Variants in XNDC1N observed in about 807,000 individuals in gnomAD.
XNDC1N encodes the protein protein XNDC1N.
At chr11:71,899,401 G>A in the XNDC1N span, among the ~76,000 whole-genome samples, 1 of 152,156 alleles carries the variant, frequency 6.6e-6, no homozygotes, top group African/African-American at 2.4e-5. Context: ...GACTCTTACT[G>A]TGTCTATGTA....
chr11:71,918,109 G>A, the XNDC1N span, among the ~76,000 whole-genome samples: 3 of 152,100 alleles, frequency 2.0e-5, no homozygotes, highest in African/African-American at 2.4e-5. Flanking sequence ...TCTCTGTCCC[G>A]ACAAAACTGA....
At chr11:71,871,245 A>G in the XNDC1N span, among the ~76,000 whole-genome samples, 1 of 152,206 alleles carries the variant, frequency 6.6e-6, no homozygotes, top group Non-Finnish European at 1.5e-5. Context: ...ATGGAATTGG[A>G]GAACATTAGG....
At chr11:71,897,635 G>GAC in the XNDC1N span, among the ~76,000 whole-genome samples, 690 of 151,512 alleles carry the variant, frequency 4.6e-3, 6 homozygotes, top group African/African-American at 0.016. Flanking sequence ...GTGAAGGAGT[G>GAC]GGGGAAAATA....
chr11:71,897,920 C>T, the XNDC1N span, among the ~76,000 whole-genome samples: 9 of 152,228 alleles, frequency 5.9e-5, no homozygotes, highest in African/African-American at 1.7e-4. Flanking sequence ...CGGTGGCTCA[C>T]GCCTGTAATC....
At chr11:71,901,471 C>T in the XNDC1N span, among the ~76,000 whole-genome samples, 2 of 151,682 alleles carry the variant, frequency 1.3e-5, no homozygotes, top group Non-Finnish European at 2.9e-5. Context: ...TAGTGGCGGG[C>T]GACTGTCATC....
At chr11:71,889,375 G>C in the XNDC1N span, among the ~76,000 whole-genome samples, 1 of 152,102 alleles carries the variant, frequency 6.6e-6, no homozygotes, top group East Asian at 1.9e-4. Flanking sequence ...CGGAATTCCC[G>C]CGCTGACTCA....
chr11:71,885,198 C>T, the XNDC1N span, among the ~76,000 whole-genome samples: 1 of 151,928 alleles, frequency 6.6e-6, no homozygotes, highest in Non-Finnish European at 1.5e-5. Flanking sequence ...TGTTTCTACT[C>T]CCTGGGATAT....
chr11:71,928,331 C>G, the XNDC1N span: 1 of 628,804 alleles, frequency 1.6e-6, no homozygotes, highest in Admixed American at 2.5e-5. Flanking sequence ...CTCGGCCACT[C>G]CCCTCCCCAT....
the XNDC1N span, among the ~76,000 whole-genome samples, chr11:71,919,204 C>A: frequency 2.6e-5 from 4 of 152,132 alleles, no homozygotes; most frequent in Non-Finnish European, 5.9e-5. Context: ...TTTACAGATA[C>A]CATTTTTCTC....
At chr11:71,926,714 A>G in the XNDC1N span, among the ~76,000 whole-genome samples, 435 of 152,194 alleles carry the variant, frequency 2.9e-3, no homozygotes, top group African/African-American at 9.9e-3. Context: ...CAGCCTGGCC[A>G]ACATGGTGAA....
chr11:71,879,266 T>C, the XNDC1N span, among the ~76,000 whole-genome samples: 3 of 138,108 alleles, frequency 2.2e-5, no homozygotes, highest in African/African-American at 4.9e-5. Flanking sequence ...ATTTAATGTA[T>C]ATGGAAATTA....
chr11:71,894,622 C>T, the XNDC1N span, among the ~76,000 whole-genome samples: 5 of 152,286 alleles, frequency 3.3e-5, no homozygotes, highest in South Asian at 2.1e-4. Context: ...TGACTGAATC[C>T]TCTATACCTA....
the XNDC1N span, among the ~76,000 whole-genome samples, chr11:71,873,407 G>T: frequency 6.6e-6 from 1 of 152,138 alleles, no homozygotes; most frequent in East Asian, 1.9e-4. Flanking sequence ...ATATCTCTAT[G>T]TATGAATTTG....
At chr11:71,906,426 A>T in the XNDC1N span, among the ~76,000 whole-genome samples, 1 of 152,138 alleles carries the variant, frequency 6.6e-6, no homozygotes, top group African/African-American at 2.4e-5. Flanking sequence ...GAAAGAGAAC[A>T]CAGGGAGAAC....
the XNDC1N span, among the ~76,000 whole-genome samples, chr11:71,868,630 G>T: frequency 6.6e-6 from 1 of 152,314 alleles, no homozygotes; most frequent in African/African-American, 2.4e-5. Flanking sequence ...GGCTTATAGA[G>T]TTGCAGCTTA....
At chr11:71,873,054 A>G in the XNDC1N span, among the ~76,000 whole-genome samples, 1 of 151,960 alleles carries the variant, frequency 6.6e-6, no homozygotes, top group Non-Finnish European at 1.5e-5. Flanking sequence ...CCCATAAACT[A>G]CCTAGTGGTC....
At chr11:71,912,377 G>T in the XNDC1N span, among the ~76,000 whole-genome samples, 648 of 152,264 alleles carry the variant, frequency 4.3e-3, 6 homozygotes, top group African/African-American at 0.015. Flanking sequence ...CAGAAGGGGT[G>T]TAGACACCCT....
chr11:71,884,895 A>G, the XNDC1N span, among the ~76,000 whole-genome samples: 1 of 149,628 alleles, frequency 6.7e-6, no homozygotes, highest in Non-Finnish European at 1.5e-5. Context: ...TGGGAGTAAG[A>G]GCCAGCCCTT....
the XNDC1N span, among the ~76,000 whole-genome samples, chr11:71,896,311 G>A: frequency 6.6e-6 from 1 of 152,174 alleles, no homozygotes; most frequent in South Asian, 2.1e-4. Flanking sequence ...TCAAGAAGGT[G>A]GAAAGTATAA....
Sources: allele counts gnomAD v4.1 joint callset (sites outside exome capture counted in the v4.1 genomes callset), GRCh38; gene constraint gnomAD v4.1.1; transcripts MANE v1.5; gene names NCBI Gene and HGNC (gene_info 2026-07-23, HGNC 2026-07-21).